PITRM1: variants seen among roughly 807,000 people sequenced by gnomAD.
The protein encoded by PITRM1 is presequence protease, mitochondrial.
PITRM1 carries 100 observed loss-of-function variants against 129.9 expected under a neutral mutation model. That is an observed-to-expected ratio of 0.77 (90% CI 0.65 to 0.91). The LOEUF is 0.91. Ranked by LOEUF, PITRM1 falls within the 40% of genes least tolerant of loss-of-function variation. The probability of loss-of-function intolerance (pLI) is 0.00; values close to 1 mark genes in which losing one functional copy is unlikely to be tolerated. For synonymous variants in PITRM1, 591 were observed against 508.8 expected (o/e 1.16, Z -2.17); for missense variants, 1,471 against 1,318.3 (o/e 1.12, Z -1.79).
intron 24 of PITRM1, 101 bp from the exon 25 acceptor site, chr10:3,139,150 C>CA: frequency 1.0e-6 from 1 of 975,248 alleles, no homozygotes; most frequent in South Asian, 1.5e-5. Context: ...TATGGGTTAA[C>CA]AGCTCTATTT....
At chr10:3,168,175 T>C (rs920701289) in intron 2 of PITRM1, among the ~76,000 whole-genome samples, 1 of 151,946 alleles carries the variant, frequency 6.6e-6, no homozygotes, top group African/African-American at 2.4e-5. Context: ...ACCTCGGGTC[T>C]CCTCAGCCCA....
At chr10:3,155,477 C>T in intron 14 of PITRM1, 114 bp downstream of exon 14, 5 of 1,325,946 alleles carry the variant, frequency 3.8e-6, no homozygotes, top group East Asian at 2.3e-5. Context: ...TGTTGGCGCC[C>T]AGCGGACACC....
intron 14 of PITRM1, among the ~76,000 whole-genome samples, chr10:3,154,853 G>A (rs557102808): frequency 3.0e-4 from 46 of 152,126 alleles, no homozygotes; most frequent in African/African-American, 8.7e-4. Flanking sequence ...CTCCCCCAGC[G>A]GCTGCCAATC....
chr10:3,141,817 G>A (rs955289582), intron 23 of PITRM1: 15 of 295,434 alleles, frequency 5.1e-5, no homozygotes, highest in Admixed American at 4.8e-4. Context: ...GCTGTGGTGG[G>A]AGAAGTCACG....
In PITRM1 at chr10:3,165,285, G is replaced by T. The variant is rs751886851; in HGVS notation, c.583C>A (p.Pro195Thr). ...EHENPSDPQT[P>T]LVFKGVVFNE... ...AAGACGACTCCTTTAAAGACCAAGG[G>T]CGTCTGGGGGTCGCTCGGATTCTCA... is the stretch of plus-strand genomic sequence containing the variant. The change falls in exon 6 of 27, where the codon CCC (proline) becomes ACC (threonine). Residue 195 changes from proline (P) to threonine (T), a missense_variant. Coordinates refer to ENST00000224949, the MANE Select transcript of PITRM1 (RefSeq NM_014889.4). 1 of 1,586,468 alleles carries T rather than the reference G, an allele frequency of 6.3e-7. No homozygotes were observed. The highest frequency in any genetic ancestry group is 1.2e-5 in the South Asian group (1 of 86,470).
chr10:3,153,008 C>T (rs77951020), intron 14 of PITRM1, among the ~76,000 whole-genome samples: 2,850 of 152,348 alleles, frequency 0.019, 39 homozygotes, highest in Non-Finnish European at 0.031. Context: ...GCTTTTACTA[C>T]ATAGTTTCCC....
At chr10:3,164,801 T>A (rs994278749) in intron 6 of PITRM1, among the ~76,000 whole-genome samples, 1 of 152,144 alleles carries the variant, frequency 6.6e-6, no homozygotes, top group South Asian at 2.1e-4. Context: ...CTGATTAGAG[T>A]GGTGCTGTGT....
At chr10:3,146,118 C>T (rs528824963) in intron 20 of PITRM1, 74 of 179,548 alleles carry the variant, frequency 4.1e-4, no homozygotes, top group Admixed American at 1.3e-3. Context: ...TAAAGCAGAA[C>T]ATTATAAACT....
Position 3,160,360 on chromosome 10 carries a change from G to A in PITRM1, c.792-30C>T, listed in dbSNP as rs374871338. 1.3e-5 allele frequency: 21 copies of A among 1,566,188 alleles called. No individual in the cohort carries two copies. In the African/African-American group the frequency reaches 2.7e-4, roughly 20 times the overall value. On this transcript the variant is annotated intron_variant, in intron 7 of 26. Transcript: ENST00000224949. The stretch of plus-strand genomic sequence containing the variant: ...AATTTTAAGGGAATATAATTAGTCT[G>A]TTTTAGTTTAAAAGATGTGAGATCA...
intron 2 of PITRM1, among the ~76,000 whole-genome samples, chr10:3,167,552 C>T (rs1842974245): frequency 6.6e-6 from 1 of 152,178 alleles, no homozygotes; most frequent in African/African-American, 2.4e-5. Context: ...ACCTAAGTAA[C>T]AGAGCGCCCT....
chr10:3,152,855 A>G (rs189338986), intron 14 of PITRM1, among the ~76,000 whole-genome samples: 3 of 152,152 alleles, frequency 2.0e-5, no homozygotes, highest in African/African-American at 7.2e-5. Context: ...CTCTGAATGC[A>G]CTCACTCACA....
At chr10:3,160,502 G>A (rs1171538561) in intron 7 of PITRM1, among the ~76,000 whole-genome samples, 172 bp from the exon 8 acceptor site, 1 of 152,178 alleles carries the variant, frequency 6.6e-6, no homozygotes, top group Non-Finnish European at 1.5e-5. Context: ...TACTTCGAGA[G>A]ACCAAAATTC....
At chr10:3,138,827 C>G in intron 25 of PITRM1, 77 bp downstream of exon 25, 1 of 1,396,626 alleles carries the variant, frequency 7.2e-7, no homozygotes, top group Non-Finnish European at 1.0e-6. Flanking sequence ...CCTGCCCATG[C>G]ATGCCGGGAA....
chr10:3,142,115 T>C (rs1317601999), intron 23 of PITRM1, among the ~76,000 whole-genome samples: 1 of 152,268 alleles, frequency 6.6e-6, no homozygotes, highest in Non-Finnish European at 1.5e-5. Context: ...TAGTGTTTTC[T>C]GTCTACATTT....
intron 20 of PITRM1, chr10:3,146,922 A>G (rs1253769668): frequency 1.2e-5 from 4 of 337,572 alleles, no homozygotes; most frequent in African/African-American, 2.1e-5. Flanking sequence ...CTTGCCCTCA[A>G]TCTATTTGCA....
intron 11 of PITRM1, among the ~76,000 whole-genome samples, chr10:3,157,788 G>A (rs1216817881): frequency 6.6e-6 from 1 of 152,202 alleles, no homozygotes; most frequent in Non-Finnish European, 1.5e-5. Context: ...GCAGTGAGCT[G>A]AGATCACGCC....
rs745909707 is a variant in PITRM1 at position 3,147,148 on chromosome 10, A to T, written c.2336+2T>A. On this transcript the variant is annotated splice_donor_variant, in intron 20 of 26. Transcript: ENST00000224949. LOFTEE classifies it high-confidence loss of function. Reference sequence around the variant, plus strand: ...ATATTTAGAAACAAATCACACATGCACCTCATATTATCACCATTTAACAAG... The same window carrying T: ...ATATTTAGAAACAAATCACACATGCTCCTCATATTATCACCATTTAACAAG... 7.0e-7 allele frequency: 1 copy of T among 1,419,966 alleles called. No homozygotes were observed. Among genetic ancestry groups the T allele is most frequent in the East Asian group, 2.3e-5 (1 of 43,848 alleles). 88.0% of individuals were successfully genotyped at this position (1,419,966 alleles called of 1,614,324 possible).
At chr10:3,142,301 C>T (rs1840315164) in intron 23 of PITRM1, among the ~76,000 whole-genome samples, 1 of 152,212 alleles carries the variant, frequency 6.6e-6, no homozygotes, top group South Asian at 2.1e-4. Context: ...CTCCTACACA[C>T]CTCCCCATCT....
rs991107827 is a variant in PITRM1, at chr10:3,147,342, T to C, written c.2236-92A>G. 2.9e-6 allele frequency: 3 copies of C among 1,051,612 alleles called. No individual in the cohort carries two copies. In the African/African-American group the frequency reaches 4.7e-5, roughly 16 times the overall value. The allele number at this position is 1,051,612 out of a possible 1,614,324, so 65.1% of individuals were successfully genotyped here. On this transcript the variant is annotated intron_variant, in intron 19 of 26. Coordinates refer to ENST00000224949, the MANE Select transcript of PITRM1 (RefSeq NM_014889.4). ...GCACCTGTGACATCAGAACCCTGCT[T>C]GGGCAGGGGTTATGTGTGCGAGTGC...
Sources: gnomAD v4.1 joint callset for allele counts (sites outside exome capture counted in the v4.1 genomes callset) on GRCh38, gnomAD v4.1.1 for gene constraint, MANE v1.5 for transcripts, NCBI Gene and HGNC (gene_info 2026-07-23, HGNC 2026-07-21) for gene names.